CCDC60: variants seen among roughly 807,000 people sequenced by gnomAD.
The protein encoded by CCDC60 is coiled-coil domain-containing protein 60.
In CCDC60, 54 loss-of-function variants were observed where a neutral mutation model predicts 63.5. The observed-to-expected ratio is 0.85, with a 90% CI of 0.68 to 1.07. The LOEUF (loss-of-function observed/expected upper bound fraction) is 1.07. CCDC60 is among the 50% of genes least tolerant of loss of function. The pLI, the probability that CCDC60 is intolerant of heterozygous loss-of-function variation, is 0.00. For missense variants in CCDC60, 651 were observed against 684.3 expected, an observed-to-expected ratio of 0.95 and a Z score of 0.54; for synonymous variants, 206 against 238.8, an observed-to-expected ratio of 0.86 and a Z score of 1.27.
At chr12:119,390,035 CATAAA>C (rs1956129282) in intron 1 of CCDC60, among the ~76,000 whole-genome samples, 1 of 152,152 alleles carries the variant, frequency 6.6e-6, no homozygotes. Flanking sequence ...TATTTTCATA[CATAAA>C]ATAAATAGGT....
At chr12:119,530,046 T>G (rs1001662699) in intron 12 of CCDC60, among the ~76,000 whole-genome samples, 1 of 152,246 alleles carries the variant, frequency 6.6e-6, no homozygotes. Context: ...GCACCTACTA[T>G]GAGTTAGGCA....
At chr12:119,384,675 G>C (rs1166976829) in intron 1 of CCDC60, among the ~76,000 whole-genome samples, 3 of 152,204 alleles carry the variant, frequency 2.0e-5, no homozygotes, top group Admixed American at 6.5e-5. Flanking sequence ...TCTGCAGAGA[G>C]CTGCAAGGGG....
chr12:119,350,541 G>A (rs1176588964), intron 1 of CCDC60, among the ~76,000 whole-genome samples: 1 of 151,980 alleles, frequency 6.6e-6, no homozygotes, highest in Non-Finnish European at 1.5e-5. Flanking sequence ...CCTCTCCTTT[G>A]CTTTCTAACT....
intron 1 of CCDC60, among the ~76,000 whole-genome samples, chr12:119,378,194 G>A (rs997371680): frequency 2.0e-5 from 3 of 152,198 alleles, no homozygotes; most frequent in African/African-American, 4.8e-5. Flanking sequence ...GGCGGGTGCC[G>A]TGTTGTCTGT....
intron 2 of CCDC60, among the ~76,000 whole-genome samples, chr12:119,454,865 C>T (rs1236535002): frequency 1.3e-5 from 2 of 152,146 alleles, no homozygotes; most frequent in African/African-American, 4.8e-5. Flanking sequence ...TACCTGGGTT[C>T]CTTCTAGGTT....
intron 1 of CCDC60, among the ~76,000 whole-genome samples, chr12:119,369,545 C>G (rs76801788): frequency 0.012 from 1,856 of 152,314 alleles, 35 homozygotes; most frequent in African/African-American, 0.042. Flanking sequence ...CAGAGAAACA[C>G]TGATGCATAG....
chr12:119,343,996 A>C (rs1955560167), intron 1 of CCDC60, among the ~76,000 whole-genome samples: 1 of 152,112 alleles, frequency 6.6e-6, no homozygotes, highest in Admixed American at 6.6e-5. Flanking sequence ...AAGGGTTGTC[A>C]AATTAGGGAG....
intron 1 of CCDC60, among the ~76,000 whole-genome samples, chr12:119,349,619 G>C (rs1027495407): frequency 1.3e-5 from 2 of 150,942 alleles, no homozygotes; most frequent in Non-Finnish European, 1.5e-5. Flanking sequence ...GATTATAGGC[G>C]TGAGCCACTG....
At position 119,540,606 on chromosome 12, in the gene CCDC60, C is replaced by T; in HGVS notation, c.1552-8C>T. On this transcript the variant is annotated splice_region_variant and splice_polypyrimidine_tract_variant and intron_variant, in intron 13 of 13. Transcript: ENST00000327554. ...AATTCTGAGATTGCCACTATGTCTG[C>T]CTCACAGTTTGTGCGAGAACACATC... 2 of 1,601,068 alleles carry T rather than the reference C, an allele frequency of 1.2e-6. No homozygotes were observed. Among genetic ancestry groups the T allele is most frequent in the Admixed American group, 3.3e-5 (2 of 59,974 alleles).
intron 1 of CCDC60, among the ~76,000 whole-genome samples, chr12:119,386,262 T>C (rs1956060245): frequency 6.6e-6 from 1 of 152,172 alleles, no homozygotes; most frequent in African/African-American, 2.4e-5. Flanking sequence ...ACCTCCCTGT[T>C]CTCATTTATT....
chr12:119,445,404 A>G (rs1207422239), intron 2 of CCDC60, among the ~76,000 whole-genome samples: 3 of 140,876 alleles, frequency 2.1e-5, no homozygotes, highest in Non-Finnish European at 4.5e-5. Flanking sequence ...ACTGCACTCC[A>G]GCCTGAGTGA....
chr12:119,335,373 C>T lies in CCDC60; in HGVS notation c.90+107C>T, dbSNP rs1244652873. On this transcript the variant is annotated intron_variant, in intron 1 of 13. Coordinates refer to ENST00000327554, the MANE Select transcript of CCDC60 (RefSeq NM_178499.5). ...GTTCTAGATCCCTGAGGAATCGCCA[C>T]ACTGACTTCCACAATGGTTGAACTA... 6.8e-6 allele frequency: 5 copies of T among 739,748 alleles called. No homozygotes were observed. In the Admixed American group the frequency reaches 1.1e-4, roughly 17 times the overall value. The allele number at this position is 739,748 out of a possible 1,614,324, so 45.8% of individuals were successfully genotyped here.
chr12:119,517,885 A>C (rs1952396298), intron 8 of CCDC60, among the ~76,000 whole-genome samples: 1 of 152,204 alleles, frequency 6.6e-6, no homozygotes, highest in Admixed American at 6.5e-5. Flanking sequence ...CAGAGAGCAC[A>C]CAGCCTAGAG....
In CCDC60 at chr12:119,413,628, G is replaced by C. The variant is rs537129893; in HGVS notation, c.91-15055G>C. Among the ~76,000 whole-genome samples the C allele has an allele frequency of 7.2e-4, 109 of 152,318 alleles. No individual in the cohort carries two copies. In the South Asian group the frequency reaches 0.022, roughly 30 times the overall value. ...GCCTCTCAGCATCCTCATGGCCCCT[G>C]CATGAAGATTAGGCAGTGCCAGGTG... On this transcript the variant is annotated intron_variant, in intron 1 of 13. Coordinates refer to ENST00000327554, the MANE Select transcript of CCDC60 (RefSeq NM_178499.5).
At chr12:119,382,737 T>C (rs1387122043) in intron 1 of CCDC60, among the ~76,000 whole-genome samples, 1 of 152,226 alleles carries the variant, frequency 6.6e-6, no homozygotes, top group East Asian at 1.9e-4. Flanking sequence ...ATTTTGACCT[T>C]GAGCCTAACT....
At chr12:119,480,337 G>A (rs914756476) in intron 4 of CCDC60, among the ~76,000 whole-genome samples, 6 of 152,036 alleles carry the variant, frequency 3.9e-5, no homozygotes, top group Admixed American at 1.3e-4. Context: ...GAGTCAGGTC[G>A]GTCTGACTGC....
chr12:119,434,379 T>C (rs1366737244), intron 2 of CCDC60, among the ~76,000 whole-genome samples: 1 of 152,094 alleles, frequency 6.6e-6, no homozygotes, highest in Non-Finnish European at 1.5e-5. Context: ...GTATGAGATA[T>C]CACCAGGTGT....
At chr12:119,517,194 T>C (rs1952376977) in intron 8 of CCDC60, among the ~76,000 whole-genome samples, 1 of 152,086 alleles carries the variant, frequency 6.6e-6, no homozygotes, top group African/African-American at 2.4e-5. Flanking sequence ...AGGGTCTCGC[T>C]ATACTGCCCA....
intron 1 of CCDC60, among the ~76,000 whole-genome samples, chr12:119,385,690 G>T (rs1956052703): frequency 6.6e-6 from 1 of 152,228 alleles, no homozygotes; most frequent in Non-Finnish European, 1.5e-5. Flanking sequence ...AGATAGAAAG[G>T]TTGGAGTCTC....
Sources: allele counts gnomAD v4.1 joint callset (sites outside exome capture counted in the v4.1 genomes callset), GRCh38; gene constraint gnomAD v4.1.1; transcripts MANE v1.5; gene names NCBI Gene and HGNC (gene_info 2026-07-23, HGNC 2026-07-21).